The following DDX17 variants were observed in gnomAD, a reference collection of about 807,000 sequenced individuals.
DDX17 encodes the protein DEAD-box helicase 17.
In DDX17, 10 loss-of-function variants were observed where a neutral mutation model predicts 80.8. The observed-to-expected ratio is 0.12, with a 90% confidence interval of 0.08 to 0.21. The LOEUF is 0.21. Among genes scored for constraint, DDX17 ranks in the 10% least tolerant of loss-of-function variants. The pLI is 1.00. For missense variants in DDX17, 586 were observed against 957.4 expected, an observed-to-expected ratio of 0.61 and a Z score of 5.12; for synonymous variants, 339 against 336.2, an observed-to-expected ratio of 1.01 and a Z score of -0.09.
rs2089689599 is a variant in DDX17 at position 38,489,080 on chromosome 22, CA to C, written c.1448-966del. On this transcript the variant is annotated intron_variant, in intron 11 of 12. Transcript: ENST00000403230. This position sits in a 1 kb window ranked among gnomAD's most constrained non-coding sequence, Gnocchi z 4.6. ...GAATGTATATTTTTACCTACTTAAA[CA>C]AACAATTTTAAGAATATAACAAAGA... 3 of 983,008 alleles carry C rather than the reference CA, an allele frequency of 3.1e-6. No individual in the cohort carries two copies. The highest frequency in any genetic ancestry group is 3.5e-5 in the African/African-American group (2 of 57,094). 60.9% of individuals were successfully genotyped at this position (983,008 alleles called of 1,614,324 possible).
Position 38,488,899 on chromosome 22 carries a change from T to C in DDX17, c.1448-784A>G, listed in dbSNP as rs1462713023. On this transcript the variant is annotated intron_variant, in intron 11 of 12. Transcript: ENST00000403230. ...AGGACTTGTTTCAATTATCAATGAT[T>C]GTCTACGTGACCTGGGAAATTAAAT... 7.1e-6 allele frequency: 7 copies of C among 985,398 alleles called. No homozygotes were observed. The African/African-American group carries it at 1.0e-4, about 15-fold the overall frequency. The allele number at this position is 985,398 out of a possible 1,614,324, so 61.0% of individuals were successfully genotyped here.
In DDX17 at chr22:38,487,905, T is replaced by C; in HGVS notation, c.1658A>G (p.Asp553Gly). The change falls in exon 12 of 13, where the codon GAC (aspartate) becomes GGC (glycine). Residue 553 changes from aspartate (D) to glycine (G), a missense_variant. By Grantham distance (94) the Asp-to-Gly change is moderately conservative (BLOSUM62 -1). Around this residue, in one of 4 missense-constraint regions of DDX17, gnomAD observed 221 missense variants for 261.4 expected, o/e 0.85. Transcript: ENST00000403230. ...CCCGCCTCCGCCGCCTCCTCTGTGG[T>C]CCACAAGCTGCATCAGTTTTGGATT... 6.2e-7 allele frequency: 1 copy of C among 1,614,216 alleles called. No individual in the cohort carries two copies. The highest frequency in any genetic ancestry group is 8.5e-7 in the Non-Finnish European group (1 of 1,180,040).
Position 38,493,760 on chromosome 22 carries a change from A to G in DDX17, c.1337T>C (p.Met446Thr), listed in dbSNP as rs1351403167. 1 of 1,613,656 alleles carries G rather than the reference A, an allele frequency of 6.2e-7. No homozygotes were observed. ...TTGACTCTTGTCTCCATGGATACAC[A>G]TAGCTGGCCAACTATCAGAAGAAAA... The change falls in exon 10 of 13, where the codon ATG (methionine) becomes ACG (threonine). Residue 446 changes from methionine to threonine, a missense_variant. By Grantham distance (81) the Met-to-Thr change is moderately conservative. Coordinates refer to ENST00000403230, the MANE Select transcript of DDX17 (RefSeq NM_006386.5).
At chr22:38,497,759 T>G (rs1483508002) in intron 5 of DDX17, among the ~76,000 whole-genome samples, 1 of 151,028 alleles carries the variant, frequency 6.6e-6, no homozygotes, top group East Asian at 2.0e-4. Context: ...CGAACCTCCA[T>G]CTCAAAAAAA....
chr22:38,487,808 TA>T (rs1304655910), intron 12 of DDX17, 70 bp downstream of exon 12: 1 of 1,544,202 alleles, frequency 6.5e-7, no homozygotes, highest in African/African-American at 1.4e-5. Context: ...AAACAGCAAC[TA>T]AAAGCAAGTC....
chr22:38,498,927 G>A (rs961522201), intron 3 of DDX17, among the ~76,000 whole-genome samples: 2 of 152,112 alleles, frequency 1.3e-5, no homozygotes, highest in African/African-American at 4.8e-5. Context: ...AAGCAGAATC[G>A]CATGAACCCA....
In DDX17 at chr22:38,506,012, G is replaced by A. The variant is rs749192175; in HGVS notation, c.226C>T (p.Pro76Ser). Residue 76 changes from proline (P) to serine (S), a missense_variant, in exon 1 of 13, where the codon CCT (proline) becomes TCT (serine). Around this residue, in one of 4 missense-constraint regions of DDX17, gnomAD observed 215 missense variants for 238.4 expected, o/e 0.90. Transcript: ENST00000403230. ...CCTCCTCCGCGCATGGTCCCAAAAG[G>A]ATAGAGATCTGGGAGCGGGGCACGG... 12 of 1,592,908 alleles carry A rather than the reference G, an allele frequency of 7.5e-6. No individual in the cohort carries two copies. The highest frequency in any genetic ancestry group is 1.8e-5 in the Admixed American group (1 of 56,260).
At chr22:38,495,616 A>T (rs529655440) in intron 6 of DDX17, among the ~76,000 whole-genome samples, 180 bp downstream of exon 6, 40 of 152,272 alleles carry the variant, frequency 2.6e-4, no homozygotes, top group Admixed American at 2.0e-3. Context: ...AAATCCTCAC[A>T]AAGTTTCCAG....
In DDX17 at chr22:38,494,012, TA is replaced by T. The variant is rs1451591274; in HGVS notation, c.1325+8del. 6.2e-7 allele frequency: 1 copy of T among 1,603,028 alleles called. No homozygotes were observed. Among genetic ancestry groups the T allele is most frequent in the Admixed American group, 1.7e-5 (1 of 59,502 alleles). On this transcript the variant is annotated splice_region_variant and intron_variant, in intron 9 of 12. Transcript: ENST00000403230. ...AACCAGAGGTTAATTGCCTTGGTGC[TA>T]TACTCACCCATCTCTGCGCATCCTT...
Position 38,501,158 on chromosome 22 carries a change from T to G in DDX17, c.410A>C (p.Glu137Ala). ...TGTCAGCCTTGCTACTTCCGGATGT[T>G]CCACATAAAAATTTTTCTCAAACTT... Residue 137 changes from glutamate (E) to alanine (A), a missense_variant, in exon 2 of 13, where the codon GAA becomes GCA. Physicochemically the swap from Glu to Ala is moderately radical, Grantham distance 107 (BLOSUM62 -1). Coordinates refer to ENST00000403230, the MANE Select transcript of DDX17 (RefSeq NM_006386.5). 6.2e-7 allele frequency: 1 copy of G among 1,613,916 alleles called. No homozygotes were observed. Among genetic ancestry groups the G allele is most frequent in the Non-Finnish European group, 8.5e-7 (1 of 1,179,992 alleles).
intron 10 of DDX17, 66 bp downstream of exon 10, chr22:38,493,644 A>T (rs892634676): frequency 2.3e-6 from 3 of 1,314,446 alleles, no homozygotes; most frequent in Non-Finnish European, 3.3e-6. Flanking sequence ...CCTGAAATAG[A>T]GCATGAACAT....
At position 38,493,667 on chromosome 22, in the gene DDX17, A is replaced by AG. The variant is rs778079822; in HGVS notation, c.1387+42dup. On this transcript the variant is annotated intron_variant, in intron 10 of 12. Coordinates refer to ENST00000403230, the MANE Select transcript of DDX17 (RefSeq NM_006386.5). The stretch of plus-strand genomic sequence containing the variant: ...AGAGCATGAACATTCACTTATGGGC[A>AG]GGGGGTGGGGAATCAACAGAAAATG... The AG allele has an allele frequency of 1.3e-4, 182 of 1,446,184 alleles. 2 individuals are homozygous for AG. The East Asian group carries it at 3.2e-3, about 26-fold the overall frequency. The allele number at this position is 1,446,184 out of a possible 1,614,324, so 89.6% of individuals were successfully genotyped here. A position where few individuals can be genotyped will look rare whatever the true frequency, so the allele number is the denominator to read the frequency against.
intron 5 of DDX17, among the ~76,000 whole-genome samples, chr22:38,497,510 C>G (rs369225157): frequency 1.8e-4 from 27 of 147,064 alleles, no homozygotes; most frequent in Non-Finnish European, 3.1e-4. Flanking sequence ...CCCAGCTACT[C>G]GGGAGGCTGA....
chr22:38,492,226 G>A (rs1296989875), intron 10 of DDX17, 111 bp from the exon 11 acceptor site: 3 of 797,920 alleles, frequency 3.8e-6, no homozygotes, highest in Non-Finnish European at 5.9e-6. Context: ...CCAAGCTCTT[G>A]TAATGACTGA....
At position 38,505,963 on chromosome 22, in the gene DDX17, C is replaced by T; in HGVS notation, c.275G>A (p.Arg92His). 1 of 1,582,908 alleles carries T rather than the reference C, an allele frequency of 6.3e-7. No individual in the cohort carries two copies. The highest frequency in any genetic ancestry group is 8.6e-7 in the Non-Finnish European group (1 of 1,164,808). The change falls in exon 1 of 13, where the codon CGT (arginine) becomes CAT (histidine). Residue 92 changes from arginine to histidine, a missense_variant. Arg to His is a conservative substitution (Grantham distance 29). Around this residue, in one of 4 missense-constraint regions of DDX17, gnomAD observed 215 missense variants for 238.4 expected, o/e 0.90. Coordinates refer to ENST00000403230, the MANE Select transcript of DDX17 (RefSeq NM_006386.5). ...CCCCCACCCTTACCCTCCACGGTCACGATCCCGGTCCCGGTCCCCAAAGCC... is the reference window on the plus strand; with the variant it reads ...CCCCCACCCTTACCCTCCACGGTCATGATCCCGGTCCCGGTCCCCAAAGCC...
chr22:38,500,112 G>T (rs1461235437), intron 2 of DDX17, among the ~76,000 whole-genome samples: 3 of 149,072 alleles, frequency 2.0e-5, no homozygotes, highest in Non-Finnish European at 1.5e-5. Context: ...GGAGGCAGAG[G>T]TTGCAGTGAG....
At chr22:38,490,254 T>C in intron 11 of DDX17, 2 of 1,244,876 alleles carry the variant, frequency 1.6e-6, no homozygotes, top group South Asian at 1.3e-5. Flanking sequence ...CCAAAGTTAA[T>C]GTTTTGGCCA....
rs138449 is a variant in DDX17 at position 38,497,619 on chromosome 22, CAAA to C, written c.738+463_738+465del. Reference sequence around the variant, plus strand: ...GGCAACAAGAGTGAGAATATATCTCCAAAAAAAAAAAAAAAAAAGAAAGAAGGC... The same window carrying C: ...GGCAACAAGAGTGAGAATATATCTCCAAAAAAAAAAAAAAAGAAAGAAGGC... On this transcript the variant is annotated intron_variant, in intron 5 of 12. Transcript: ENST00000403230. Among the ~76,000 whole-genome samples the C allele has an allele frequency of 6.1e-4, 46 of 74,882 alleles. 2 individuals are homozygous for C. The highest frequency in any genetic ancestry group is 2.1e-3 in the African/African-American group (38 of 17,730). The allele number at this position is 74,882 out of a possible 152,430, so 49.1% of individuals were successfully genotyped here.
Position 38,506,278 on chromosome 22 carries a change from G to C in DDX17, c.-41C>G, listed in dbSNP as rs753475889. 1.3e-6 allele frequency: 2 copies of C among 1,537,064 alleles called. No individual in the cohort carries two copies. Among genetic ancestry groups the C allele is most frequent in the African/African-American group, 1.4e-5 (1 of 71,162 alleles). On this transcript the variant is annotated 5_prime_UTR_variant, in exon 1 of 13. Transcript: ENST00000403230. ...AACCGGGCAGTGCCGCGGTTTAGGC[G>C]TCTCCTTCCTTCCCAGCGACTGCAC...
Sources: gnomAD v4.1 joint callset for allele counts (sites outside exome capture counted in the v4.1 genomes callset) on GRCh38, gnomAD v4.1.1 for gene constraint, gnomAD v4.1.1 regional missense constraint, Gnocchi (gnomAD v3.1) non-coding constraint, MANE v1.5 for transcripts, NCBI Gene and HGNC (gene_info 2026-07-23, HGNC 2026-07-21) for gene names.